KDM1B: variants seen among roughly 807,000 people sequenced by gnomAD.
KDM1B encodes the protein lysine demethylase 1B.
Under a neutral mutation model 107.4 loss-of-function variants are expected in KDM1B, and 63 were observed. The observed-to-expected ratio is 0.59, with a 90% CI of 0.48 to 0.72. KDM1B has a LOEUF of 0.72. KDM1B is among the 30% of genes least tolerant of loss of function. The probability of loss-of-function intolerance (pLI) is 0.00; values close to 1 mark genes in which losing one functional copy is unlikely to be tolerated. For missense variants in KDM1B, 749 were observed against 1,020.8 expected, an observed-to-expected ratio of 0.73 and a Z score of 3.63; for synonymous variants, 363 against 363.9, an observed-to-expected ratio of 1.00 and a Z score of 0.03.
In KDM1B at chr6:18,208,933, C is replaced by T. The variant is rs375440551; in HGVS notation, c.1866+727C>T. On this transcript the variant is annotated intron_variant, in intron 17 of 21. Transcript: ENST00000650836. Reference sequence around the variant, plus strand: ...CCTCCCAAAGTGCTGGGGTAACAGGCGTGAGCCACTGTGCTCCGCCCAAAT... The same window carrying T: ...CCTCCCAAAGTGCTGGGGTAACAGGTGTGAGCCACTGTGCTCCGCCCAAAT... 1.6e-4 allele frequency among the ~76,000 whole-genome samples: 24 copies of T among 151,726 alleles called. 1 individual carries two copies. In the South Asian group the frequency reaches 2.5e-3, roughly 16 times the overall value.
intron 6 of KDM1B, among the ~76,000 whole-genome samples, chr6:18,168,067 T>C (rs1785431691): frequency 6.6e-6 from 1 of 152,236 alleles, no homozygotes. Flanking sequence ...GCCAATTTGC[T>C]AATTTTAAAA....
intron 6 of KDM1B, among the ~76,000 whole-genome samples, chr6:18,170,560 G>A (rs376982423): frequency 1.1e-4 from 17 of 151,388 alleles, no homozygotes; most frequent in Admixed American, 7.2e-4. Context: ...GCTCACTGCA[G>A]CCTTGACCTC....
chr6:18,193,487 A>C (rs1443199172), intron 10 of KDM1B, among the ~76,000 whole-genome samples: 1 of 150,382 alleles, frequency 6.6e-6, no homozygotes, highest in East Asian at 2.0e-4. Context: ...TTTTTTTTAG[A>C]GATGAGGTCT....
At chr6:18,189,329 G>T (rs984487507) in intron 9 of KDM1B, among the ~76,000 whole-genome samples, 5 of 152,222 alleles carry the variant, frequency 3.3e-5, no homozygotes, top group African/African-American at 4.8e-5. Context: ...AAGATGCGAT[G>T]AAGAGGCATT....
intron 5 of KDM1B, among the ~76,000 whole-genome samples, chr6:18,164,705 G>T (rs529061029): frequency 1.1e-4 from 17 of 152,052 alleles, no homozygotes; most frequent in Non-Finnish European, 2.1e-4. Context: ...GAGTGCAGTG[G>T]CGTGATCTTG....
rs377076705 is a variant in KDM1B at position 18,201,858 on chromosome 6, T to TAC, written c.1531+215_1531+216dup. On this transcript the variant is annotated intron_variant, in intron 14 of 21. Transcript: ENST00000650836. This position sits in a 1 kb window ranked among gnomAD's most constrained non-coding sequence, Gnocchi z 4.3. ...GGGAGGCTTAGATGCTTGTGTTGTG[T>TAC]ACACACACACACACAGACCTTACTT... Among the ~76,000 whole-genome samples, 815 of 151,406 alleles carry TAC rather than the reference T, an allele frequency of 5.4e-3. 10 individuals carry two copies. The highest frequency in any genetic ancestry group is 0.017 in the African/African-American group (704 of 41,384).
rs1157737467 is a variant in KDM1B, at chr6:18,205,586, A to G, written c.1581A>G (p.Gln527=). ...CATTTATTAAGGAATCTGGTATCCA[A>G]TTCAGTGAGCTGGAGGGACAGGTGC... ...YKAFIKESGI[Q]FSELEGQVLQ... The change falls in exon 15 of 22, where the codon CAA becomes CAG. Residue 527 remains glutamine (Q), a synonymous_variant. Transcript: ENST00000650836. The surrounding 1 kb of genome is among the most constrained non-coding windows in gnomAD (Gnocchi z 5.7). 1 of 1,546,828 alleles carries G rather than the reference A, an allele frequency of 6.5e-7. No individual in the cohort carries two copies. Among genetic ancestry groups the G allele is most frequent in the Non-Finnish European group, 8.7e-7 (1 of 1,145,004 alleles).
At chr6:18,190,752 T>C (rs575271351) in intron 9 of KDM1B, among the ~76,000 whole-genome samples, 15 of 151,994 alleles carry the variant, frequency 9.9e-5, no homozygotes, top group African/African-American at 3.4e-4. Flanking sequence ...ATAGAAAAAT[T>C]AGCCAGATGT....
intron 7 of KDM1B, among the ~76,000 whole-genome samples, chr6:18,185,106 G>A (rs532625134): frequency 6.6e-6 from 1 of 152,264 alleles, no homozygotes; most frequent in East Asian, 1.9e-4. Flanking sequence ...AGATATACAA[G>A]AGTCTCTCTC....
At chr6:18,217,068 TCTTGGGCCAGAGACTC>T (rs148112137) in intron 20 of KDM1B, among the ~76,000 whole-genome samples, 12,922 of 152,212 alleles carry the variant, frequency 0.085, 661 homozygotes, top group Middle Eastern at 0.13. Context: ...TCCCTTTTCT[TCTTGGGCCAGAGACTC>T]CTTTCTGCTA....
In KDM1B at chr6:18,211,663, A is replaced by T. The variant is rs1013275606; in HGVS notation, c.1867-825A>T. ...GTAGTAGTAATGGCGTCCTGATTGTAGCAACGATAATGGGGTCTGGAGCCA... is the reference window on the plus strand; with the variant it reads ...GTAGTAGTAATGGCGTCCTGATTGTTGCAACGATAATGGGGTCTGGAGCCA... On this transcript the variant is annotated intron_variant, in intron 17 of 21. Coordinates refer to ENST00000650836, the MANE Select transcript of KDM1B (RefSeq NM_001364614.2). This position sits in a 1 kb window ranked among gnomAD's most constrained non-coding sequence, Gnocchi z 5.2. 1 of 152,286 alleles carries T rather than the reference A, an allele frequency of 6.6e-6. No individual in the cohort carries two copies. The highest frequency in any genetic ancestry group is 1.5e-5 in the Non-Finnish European group (1 of 68,066). 9.4% of individuals were successfully genotyped at this position (152,286 alleles called of 1,614,324 possible). A position where few individuals can be genotyped will look rare whatever the true frequency, so the allele number is the denominator to read the frequency against.
chr6:18,209,691 G>A lies in KDM1B; in HGVS notation c.1866+1485G>A, dbSNP rs1429256288. On this transcript the variant is annotated intron_variant, in intron 17 of 21. Coordinates refer to ENST00000650836, the MANE Select transcript of KDM1B (RefSeq NM_001364614.2). This position sits in a 1 kb window ranked among gnomAD's most constrained non-coding sequence, Gnocchi z 4.3. ...CACAGTCATAGCTCACTGTAGCCTCGAGCAACTGGGTTCAAGGGATCCTCT... is the reference window on the plus strand; with the variant it reads ...CACAGTCATAGCTCACTGTAGCCTCAAGCAACTGGGTTCAAGGGATCCTCT... 5.9e-5 allele frequency among the ~76,000 whole-genome samples: 9 copies of A among 151,956 alleles called. No homozygotes were observed. The highest frequency in any genetic ancestry group is 1.3e-4 in the Admixed American group (2 of 15,234).
chr6:18,201,189 G>A lies in KDM1B; in HGVS notation c.1360-297G>A, dbSNP rs1204317160. ...GGTCCACAGAGGAGACAGAATGTTT[G>A]AGCAAGGACAGGCAGTGTCTAGCAT... On this transcript the variant is annotated intron_variant, in intron 13 of 21. Coordinates refer to ENST00000650836, the MANE Select transcript of KDM1B (RefSeq NM_001364614.2). The surrounding 1 kb of genome is among the most constrained non-coding windows in gnomAD (Gnocchi z 4.3). Among the ~76,000 whole-genome samples, 1 of 152,176 alleles carries A rather than the reference G, an allele frequency of 6.6e-6. No individual in the cohort carries two copies. Among genetic ancestry groups the A allele is most frequent in the African/African-American group, 2.4e-5 (1 of 41,450 alleles).
chr6:18,222,120 A>G lies in KDM1B; in HGVS notation c.*128A>G, dbSNP rs1333376840. 9 of 847,640 alleles carry G rather than the reference A, an allele frequency of 1.1e-5. No individual in the cohort carries two copies. The highest frequency in any genetic ancestry group is 1.7e-5 in the African/African-American group (1 of 59,576). 52.5% of individuals were successfully genotyped at this position (847,640 alleles called of 1,614,324 possible). The stretch of plus-strand genomic sequence containing the variant: ...GTAAAACTGAAATGTTTCTAAGGCG[A>G]TATGATAATGCAAACCTATTTCATC... On this transcript the variant is annotated 3_prime_UTR_variant, in exon 22 of 22. Transcript: ENST00000650836.
In KDM1B at chr6:18,214,420, C is replaced by A. The variant is rs1366354791; in HGVS notation, c.2110-587C>A. 6.6e-6 allele frequency among the ~76,000 whole-genome samples: 1 copy of A among 152,228 alleles called. No individual in the cohort carries two copies. The highest frequency in any genetic ancestry group is 2.4e-5 in the African/African-American group (1 of 41,462). ...GATTTTCCTTCTCCATCTCTTTCTA[C>A]TTCTTCCGAAGCAAGCTTTAATTAG... is the stretch of plus-strand genomic sequence containing the variant. On this transcript the variant is annotated intron_variant, in intron 19 of 21. Coordinates refer to ENST00000650836, the MANE Select transcript of KDM1B (RefSeq NM_001364614.2). The surrounding 1 kb of genome is among the most constrained non-coding windows in gnomAD (Gnocchi z 4.4).
chr6:18,156,177 A>C (rs1784593279), intron 2 of KDM1B, among the ~76,000 whole-genome samples: 1 of 152,134 alleles, frequency 6.6e-6, no homozygotes, highest in South Asian at 2.1e-4. Flanking sequence ...ACGCGTTGAG[A>C]CTTGATGAGC....
chr6:18,210,360 T>TTTTG (rs1788766008), intron 17 of KDM1B, among the ~76,000 whole-genome samples: 1 of 69,276 alleles, frequency 1.4e-5, no homozygotes, highest in Non-Finnish European at 2.8e-5. Context: ...TTTTTTTTTT[T>TTTTG]TTTTTTTTTT....
At chr6:18,218,988 T>C (rs214578) in intron 21 of KDM1B, among the ~76,000 whole-genome samples, 51,465 of 152,068 alleles carry the variant, frequency 0.34, 10,764 homozygotes, top group African/African-American at 0.58. Flanking sequence ...CTGCAAGCTC[T>C]GCCTCCTGGG....
chr6:18,182,805 A>T (rs1172740629), intron 7 of KDM1B, among the ~76,000 whole-genome samples: 1 of 152,188 alleles, frequency 6.6e-6, no homozygotes, highest in Non-Finnish European at 1.5e-5. Context: ...TGCTGGGATC[A>T]CAGGTGTGAG....
Sources: allele counts gnomAD v4.1 joint callset (sites outside exome capture counted in the v4.1 genomes callset), GRCh38; gene constraint gnomAD v4.1.1; non-coding constraint Gnocchi (gnomAD v3.1); transcripts MANE v1.5; gene names NCBI Gene and HGNC (gene_info 2026-07-23, HGNC 2026-07-21).